The following PKD1 variants were observed in gnomAD, a reference collection of about 807,000 sequenced individuals.
PKD1 encodes polycystin-1.
PKD1 carries 81 observed loss-of-function variants against 361.7 expected under a neutral mutation model. That is an observed-to-expected ratio of 0.22 (90% confidence interval 0.19 to 0.27). The LOEUF is 0.27. Ranked by LOEUF, PKD1 falls within the 10% of genes least tolerant of loss-of-function variation. The pLI is 1.00. For synonymous variants in PKD1, 3,615 were observed against 2,818.3 expected, an observed-to-expected ratio of 1.28 and a Z score of -8.95; for missense variants, 6,399 against 6,118.3, an observed-to-expected ratio of 1.05 and a Z score of -1.53.
In PKD1 at chr16:2,091,889, G is replaced by A. The variant is rs2091601623; in HGVS notation, c.11429C>T (p.Ser3810Phe). 1.2e-6 allele frequency: 2 copies of A among 1,611,476 alleles called. No individual in the cohort carries two copies. The highest frequency in any genetic ancestry group is 2.2e-5 in the East Asian group (1 of 44,848). The change falls in exon 41 of 46, where the codon TCC becomes TTC. Residue 3810 changes from serine to phenylalanine, a missense_variant. Ser to Phe is a radical substitution (Grantham distance 155). Transcript: ENST00000262304. Reference sequence around the variant, plus strand: ...GCCCCCGCTGTCATACACGGCACAGGAGCCCCAGGACCATGCCCTGCCGGA... The same window carrying A: ...GCCCCCGCTGTCATACACGGCACAGAAGCCCCAGGACCATGCCCTGCCGGA... The part of the protein sequence containing the change: ...PDLLGAWSWG[S>F]CAVYDSGGYV...
At chr16:2,120,385 C>T (rs2092702201) in intron 1 of PKD1, 1 of 153,272 alleles carries the variant, frequency 6.5e-6, no homozygotes, top group Non-Finnish European at 1.5e-5. Context: ...AAAATACCCT[C>T]CTGACACACA....
chr16:2,099,721 C>T lies in PKD1; in HGVS notation c.9973G>A (p.Val3325Ile), dbSNP rs1384393685. 2 of 1,579,598 alleles carry T rather than the reference C, an allele frequency of 1.3e-6. No homozygotes were observed. Among genetic ancestry groups the T allele is most frequent in the Non-Finnish European group, 1.7e-6 (2 of 1,165,768 alleles). Residue 3325 changes from valine to isoleucine, a missense_variant, in exon 30 of 46, where the codon GTT (valine) becomes ATT (isoleucine). Transcript: ENST00000262304. ...ACAACCACGCTGGACACCAGGCCAACAGCGACTGTGTCGACGCTCAGCGGG... is the reference window on the plus strand; with the variant it reads ...ACAACCACGCTGGACACCAGGCCAATAGCGACTGTGTCGACGCTCAGCGGG... The part of the protein sequence containing the change: ...LSPLSVDTVA[V>I]GLVSSVVVYP...
At position 2,110,835 on chromosome 16, in the gene PKD1, T is replaced by C. The variant is rs2092482827; in HGVS notation, c.4332A>G (p.Thr1444=). 4 of 1,611,754 alleles carry C rather than the reference T, an allele frequency of 2.5e-6. No individual in the cohort carries two copies. In the South Asian group the frequency reaches 3.3e-5, roughly 13 times the overall value. The change falls in exon 15 of 46, where the codon ACA becomes ACG. Residue 1444 remains threonine (T), a synonymous_variant. Coordinates refer to ENST00000262304, the MANE Select transcript of PKD1 (RefSeq NM_001009944.3). ...IYRDPGSYLV[T]VTASNNISAA... is the part of the protein sequence containing the mutation. ...CAGAGATGTTGTTGGACGCGGTGAC[T>C]GTCACAAGATAGGAGCCTGGGTCTC...
chr16:2,088,881 G>GCCCACACA lies in PKD1; in HGVS notation c.*845_*846insTGTGTGGG. The GCCCACACA allele has an allele frequency of 2.4e-6, 1 of 420,700 alleles. No individual in the cohort carries two copies. Among genetic ancestry groups the GCCCACACA allele is most frequent in the Non-Finnish European group, 4.3e-6 (1 of 230,698 alleles). The allele number at this position is 420,700 out of a possible 1,614,324, so 26.1% of individuals were successfully genotyped here. On this transcript the variant is annotated 3_prime_UTR_variant, in exon 46 of 46. Coordinates refer to ENST00000262304, the MANE Select transcript of PKD1 (RefSeq NM_001009944.3). ...ACAGCACACTCGCGCGTGCGCGCGCGCACACACACACACACACAGTCACCT... is the reference window on the plus strand; with the variant it reads ...ACAGCACACTCGCGCGTGCGCGCGCGCCCACACACACACACACACACACACAGTCACCT...
At position 2,110,468 on chromosome 16, in the gene PKD1, T is replaced by G; in HGVS notation, c.4699A>C (p.Ser1567Arg). 2 of 1,612,508 alleles carry G rather than the reference T, an allele frequency of 1.2e-6. No homozygotes were observed. Among genetic ancestry groups the G allele is most frequent in the South Asian group, 1.1e-5 (1 of 91,076 alleles). Residue 1567 changes from serine (S) to arginine (R), a missense_variant, in exon 15 of 46, where the codon AGC (serine) becomes CGC (arginine). By Grantham distance (110) the Ser-to-Arg change is moderately radical. Coordinates refer to ENST00000262304, the MANE Select transcript of PKD1 (RefSeq NM_001009944.3). ...CCGGCCTCCAGCGACGTGCTGAAGC[T>G]CACGCTCCCATTCAGGGGCACCACC... ...RTVVPLNGSVSFSTSLEAGSD... is the reference protein window; with the variant it reads ...RTVVPLNGSVRFSTSLEAGSD...
In PKD1 at chr16:2,091,545, G is replaced by A. The variant is rs754631131; in HGVS notation, c.11590C>T (p.His3864Tyr). The A allele has an allele frequency of 2.6e-6, 4 of 1,520,540 alleles. No individual in the cohort carries two copies. The South Asian group carries it at 5.0e-5, about 19-fold the overall frequency. 94.2% of individuals were successfully genotyped at this position (1,520,540 alleles called of 1,614,324 possible). A position where few individuals can be genotyped will look rare whatever the true frequency, so the allele number is the denominator to read the frequency against. ...TCGAGGCGCAGCGTGACGGCGGCGT[G>A]CAGCCCCACGGCCGGGCTGTAGCGC... ...LTRYSPAVGL[H>Y]AAVTLRLEFP... The change falls in exon 42 of 46, where the codon CAC (histidine) becomes TAC (tyrosine). Residue 3864 changes from histidine (H) to tyrosine (Y), a missense_variant. His to Tyr is a moderately conservative substitution (Grantham distance 83). Transcript: ENST00000262304.
Position 2,097,221 on chromosome 16 carries a change from C to T in PKD1, c.10426G>A (p.Val3476Ile), listed in dbSNP as rs776616291. 22 of 1,578,074 alleles carry T rather than the reference C, an allele frequency of 1.4e-5. No homozygotes were observed. The highest frequency in any genetic ancestry group is 1.3e-4 in the African/African-American group (10 of 74,118). Residue 3476 changes from valine (V) to isoleucine (I), a missense_variant, in exon 34 of 46, where the codon GTC (valine) becomes ATC (isoleucine). Val to Ile is a conservative substitution (Grantham distance 29). Coordinates refer to ENST00000262304, the MANE Select transcript of PKD1 (RefSeq NM_001009944.3). ...SASDEDLIQQVLAEGVSSPAP... is the reference protein window; with the variant it reads ...SASDEDLIQQILAEGVSSPAP... Reference sequence around the variant, plus strand: ...GGGCTGCTGACCCCCTCGGCAAGGACCTGCTGGATCAGGTCTTCATCTAGA... The same window carrying T: ...GGGCTGCTGACCCCCTCGGCAAGGATCTGCTGGATCAGGTCTTCATCTAGA...
chr16:2,104,324 A>G (rs1567179540), intron 22 of PKD1, among the ~76,000 whole-genome samples, 174 bp downstream of exon 22: 1 of 67,972 alleles, frequency 1.5e-5, no homozygotes, highest in Non-Finnish European at 2.8e-5. Flanking sequence ...GTAATAGGGA[A>G]GGGGGAGGGG....
In PKD1 at chr16:2,105,459, C is replaced by T. The variant is rs762594612; in HGVS notation, c.7879G>A (p.Asp2627Asn). ...TCGTGCTTGGGCTCTGCCGCCACGT[C>T]CAGGGCCCGCTCGTACTGGGGCAGG... ...TVLNEYERAL[D>N]VAAEPKHERQ... is the part of the protein sequence containing the mutation. The change falls in exon 21 of 46, where the codon GAC (aspartate) becomes AAC (asparagine). Residue 2627 changes from aspartate (D) to asparagine (N), a missense_variant. Physicochemically the swap from Asp to Asn is conservative, Grantham distance 23. Coordinates refer to ENST00000262304, the MANE Select transcript of PKD1 (RefSeq NM_001009944.3). 6.3e-7 allele frequency: 1 copy of T among 1,594,714 alleles called. No individual in the cohort carries two copies. The highest frequency in any genetic ancestry group is 1.7e-5 in the Admixed American group (1 of 59,992).
rs565112614 is a variant in PKD1, at chr16:2,118,535, C to T, written c.530-73G>A. Reference sequence around the variant, plus strand: ...ACCCCACGCCCCCACATCCGCCCGCCGCACTCACAGGCTCCCATGCTGTTC... The same window carrying T: ...ACCCCACGCCCCCACATCCGCCCGCTGCACTCACAGGCTCCCATGCTGTTC... On this transcript the variant is annotated intron_variant, in intron 4 of 45. Transcript: ENST00000262304. This position sits in a 1 kb window ranked among gnomAD's most constrained non-coding sequence, Gnocchi z 6.0. 82 of 1,329,184 alleles carry T rather than the reference C, an allele frequency of 6.2e-5. 1 individual carries two copies. In the South Asian group the frequency reaches 9.4e-4, roughly 15 times the overall value. 82.3% of individuals were successfully genotyped at this position (1,329,184 alleles called of 1,614,324 possible).
chr16:2,128,624 A>G (rs1310438366), intron 1 of PKD1, among the ~76,000 whole-genome samples: 1 of 152,172 alleles, frequency 6.6e-6, no homozygotes, highest in Non-Finnish European at 1.5e-5. Flanking sequence ...CGGTGCCGTG[A>G]TGAGGTATGG....
intron 33 of PKD1, 35 bp from the exon 34 acceptor site, chr16:2,097,276 G>C (rs369488802): frequency 6.2e-7 from 1 of 1,607,400 alleles, no homozygotes; most frequent in Non-Finnish European, 8.5e-7. Context: ...GGGCCCAGCT[G>C]CAAGGGTGAG....
At chr16:2,130,209 G>C (rs190271949) in intron 1 of PKD1, among the ~76,000 whole-genome samples, 55 of 152,312 alleles carry the variant, frequency 3.6e-4, no homozygotes, top group Middle Eastern at 6.8e-3. Flanking sequence ...CAGGGACCCC[G>C]GGTGAGGCCA....
At chr16:2,105,505 C>G in intron 20 of PKD1, 31 bp from the exon 21 acceptor site, 1 of 1,595,388 alleles carries the variant, frequency 6.3e-7, no homozygotes, top group African/African-American at 1.3e-5. Flanking sequence ...AGCAAGCTGT[C>G]AGCAGCGCAG....
At position 2,093,090 on chromosome 16, in the gene PKD1, G is replaced by A. The variant is rs2091672268; in HGVS notation, c.11020C>T (p.Leu3674Phe). ...AGCAGAAAAAGCATGTACACCAGGA[G>A]GCTCTGGTGGACGGGGGGGCCCTGT... Reference protein sequence around the residue: ...VKRLHGMLRSLLVYMLFLLVT... With the variant: ...VKRLHGMLRSFLVYMLFLLVT... Residue 3674 changes from leucine (L) to phenylalanine (F), a missense_variant, in exon 38 of 46, where the codon CTC (leucine) becomes TTC (phenylalanine). Leu to Phe is a conservative substitution (Grantham distance 22, BLOSUM62 0). Transcript: ENST00000262304. 4.3e-6 allele frequency: 7 copies of A among 1,612,454 alleles called. No homozygotes were observed. The highest frequency in any genetic ancestry group is 5.1e-6 in the Non-Finnish European group (6 of 1,179,964).
chr16:2,106,609 A>G lies in PKD1; in HGVS notation c.7278T>C (p.Ser2426=), dbSNP rs2575311. 133 of 1,598,696 alleles carry G rather than the reference A, an allele frequency of 8.3e-5. No individual in the cohort carries two copies. Among genetic ancestry groups the G allele is most frequent in the African/African-American group, 4.0e-4 (30 of 74,930 alleles). Residue 2426 remains serine, a synonymous_variant, in exon 18 of 46, where the codon AGT becomes AGC. Coordinates refer to ENST00000262304, the MANE Select transcript of PKD1 (RefSeq NM_001009944.3). The surrounding 1 kb of genome is among the most constrained non-coding windows in gnomAD (Gnocchi z 6.5). ...GCCGCAGCACCAGTCGCATGCCTGC[A>G]CTGCCCGTGGATGTGGTGGTCTCAT... ...VLDETTTSTG[S]AGMRLVLRRG...
Position 2,114,719 on chromosome 16 carries a change from G to A in PKD1, c.2304C>T (p.Ala768=). 1 of 1,532,432 alleles carries A rather than the reference G, an allele frequency of 6.5e-7. No individual in the cohort carries two copies. The highest frequency in any genetic ancestry group is 8.7e-7 in the Non-Finnish European group (1 of 1,145,522). 94.9% of individuals were successfully genotyped at this position (1,532,432 alleles called of 1,614,324 possible). A position where few individuals can be genotyped will look rare whatever the true frequency, so the allele number is the denominator to read the frequency against. The change falls in exon 11 of 46, where the codon GCC becomes GCT. Residue 768 remains alanine, a synonymous_variant. Transcript: ENST00000262304. ...GTTCCGTGGCTGCAAGCAGCCGCAG[G>A]GCACAGGCAGGGCAGGCCCAAGTGC... ...LEGTWACPAC[A]LRLLAATEQL...
chr16:2,090,618 C>T (rs565174626), intron 44 of PKD1, 28 bp from the exon 45 acceptor site: 21 of 1,608,874 alleles, frequency 1.3e-5, no homozygotes, highest in Non-Finnish European at 1.8e-5. Context: ...CCAGTGAGGG[C>T]GTACAGCTGA....
At chr16:2,102,700 C>T in intron 24 of PKD1, 67 bp from the exon 25 acceptor site, 3 of 1,608,260 alleles carry the variant, frequency 1.9e-6, no homozygotes, top group Non-Finnish European at 2.5e-6. Flanking sequence ...AGTCTCAGAG[C>T]CCATACCCGG....
Sources: gnomAD v4.1 joint callset for allele counts (sites outside exome capture counted in the v4.1 genomes callset) on GRCh38, gnomAD v4.1.1 for gene constraint, Gnocchi (gnomAD v3.1) non-coding constraint, MANE v1.5 for transcripts, NCBI Gene and HGNC (gene_info 2026-07-23, HGNC 2026-07-21) for gene names.